The following RERG variants were observed in gnomAD, a reference collection of about 807,000 sequenced individuals.
The protein encoded by RERG is RAS like estrogen regulated growth inhibitor.
Under a neutral mutation model 23.2 loss-of-function variants are expected in RERG, and 25 were observed. The observed-to-expected ratio is 1.08, with a 90% CI of 0.79 to 1.50. The LOEUF is 1.50. Ranked by LOEUF, RERG falls within the 40% of genes most tolerant of loss-of-function variation. The pLI is 0.00. For synonymous variants in RERG, 81 were observed against 89.1 expected (o/e 0.91, Z 0.51); for missense variants, 253 against 250.1 (o/e 1.01, Z -0.08).
intron 2 of RERG, among the ~76,000 whole-genome samples, chr12:15,190,961 T>C (rs1159033633): frequency 6.6e-6 from 1 of 152,280 alleles, no homozygotes; most frequent in East Asian, 1.9e-4. Context: ...TTCCTCAAAG[T>C]TGTGAGATTA....
At chr12:15,120,966 T>C in intron 3 of RERG, 97 bp downstream of exon 3, 2 of 902,530 alleles carry the variant, frequency 2.2e-6, no homozygotes, top group Admixed American at 2.0e-5. Flanking sequence ...CCACATCAGC[T>C]AAAAGGAGCT....
intron 2 of RERG, among the ~76,000 whole-genome samples, chr12:15,183,913 A>C (rs2136130542): frequency 6.6e-6 from 1 of 152,322 alleles, no homozygotes; most frequent in African/African-American, 2.4e-5. Context: ...GAGTAGAATG[A>C]GGAGCCTATA....
chr12:15,130,100 CA>C (rs2136094798), intron 2 of RERG, among the ~76,000 whole-genome samples: 1 of 152,302 alleles, frequency 6.6e-6, no homozygotes, highest in South Asian at 2.1e-4. Flanking sequence ...TCCATCCATT[CA>C]TCCATCCTTT....
chr12:15,192,514 A>G (rs1295715905), intron 2 of RERG, among the ~76,000 whole-genome samples: 1 of 152,202 alleles, frequency 6.6e-6, no homozygotes, highest in African/African-American at 2.4e-5. Context: ...TAGACATATA[A>G]AAGTTATGAA....
At chr12:15,168,404 C>T (rs1456262139) in intron 2 of RERG, among the ~76,000 whole-genome samples, 4 of 152,166 alleles carry the variant, frequency 2.6e-5, no homozygotes, top group African/African-American at 9.7e-5. Context: ...CCCTTTGACT[C>T]CCCAGAGGTT....
At chr12:15,203,334 T>G (rs1052755579) in intron 2 of RERG, among the ~76,000 whole-genome samples, 1 of 151,672 alleles carries the variant, frequency 6.6e-6, no homozygotes, top group Non-Finnish European at 1.5e-5. Context: ...GTAGTCCCAC[T>G]TGTCTATTTT....
chr12:15,145,172 A>C (rs1016734263), intron 2 of RERG, among the ~76,000 whole-genome samples: 2 of 152,194 alleles, frequency 1.3e-5, no homozygotes, highest in Non-Finnish European at 2.9e-5. Flanking sequence ...CAGTTCCCAA[A>C]CAACCCCATT....
intron 2 of RERG, among the ~76,000 whole-genome samples, chr12:15,167,431 G>C (rs1018294797): frequency 2.0e-5 from 3 of 152,192 alleles, no homozygotes; most frequent in Non-Finnish European, 2.9e-5. Context: ...TTAACACCCA[G>C]ATTGCTGGAC....
At chr12:15,215,433 T>C (rs1163911132) in intron 2 of RERG, among the ~76,000 whole-genome samples, 2 of 152,114 alleles carry the variant, frequency 1.3e-5, no homozygotes, top group Non-Finnish European at 2.9e-5. Flanking sequence ...AAGAGTGTGA[T>C]GTCATGGGAG....
At chr12:15,112,813 G>T (rs1312115930) in intron 3 of RERG, among the ~76,000 whole-genome samples, 3 of 152,102 alleles carry the variant, frequency 2.0e-5, no homozygotes, top group Admixed American at 2.0e-4. Context: ...ATAGAGGAGT[G>T]GAAATTATTG....
chr12:15,191,568 T>G (rs1325099396), intron 2 of RERG, among the ~76,000 whole-genome samples: 1 of 152,188 alleles, frequency 6.6e-6, no homozygotes, highest in African/African-American at 2.4e-5. Context: ...TGCACTCTAC[T>G]TAACTTTCCA....
intron 2 of RERG, among the ~76,000 whole-genome samples, chr12:15,204,528 A>C (rs1388655850): frequency 6.6e-6 from 1 of 151,812 alleles, no homozygotes; most frequent in Non-Finnish European, 1.5e-5. Flanking sequence ...TTCTAATTCC[A>C]ACATTAATAA....
At chr12:15,213,616 T>C (rs1865398452) in intron 2 of RERG, among the ~76,000 whole-genome samples, 1 of 152,214 alleles carries the variant, frequency 6.6e-6, no homozygotes, top group African/African-American at 2.4e-5. Flanking sequence ...TAAACACTTA[T>C]ATATTACACA....
intron 2 of RERG, chr12:15,137,874 ACAATC>A (rs1864170555): frequency 2.2e-6 from 1 of 449,408 alleles, no homozygotes; most frequent in Non-Finnish European, 4.5e-6. Context: ...TTCTTTAAGT[ACAATC>A]CAGTTTCTGA....
At chr12:15,111,655 T>C (rs2136082554) in intron 3 of RERG, among the ~76,000 whole-genome samples, 1 of 151,522 alleles carries the variant, frequency 6.6e-6, no homozygotes, top group East Asian at 1.9e-4. Flanking sequence ...ATAGGGGGAA[T>C]CTCTTTGCAT....
At chr12:15,169,161 G>A (rs955103065) in intron 2 of RERG, among the ~76,000 whole-genome samples, 3 of 152,232 alleles carry the variant, frequency 2.0e-5, no homozygotes, top group Admixed American at 2.0e-4. Context: ...AGTTTAAATA[G>A]TAAGTTCTAT....
rs143119903 is a variant in RERG at position 15,133,005 on chromosome 12, C to T, written c.62-11886G>A. ...CCCGCCCTGCCCCCCAACACACAGC[C>T]TCCCCCATTATTCATATCCCACACT... is the stretch of plus-strand genomic sequence containing the variant. On this transcript the variant is annotated intron_variant, in intron 2 of 4. Coordinates refer to ENST00000256953, the MANE Select transcript of RERG (RefSeq NM_032918.3). Among the ~76,000 whole-genome samples the T allele has an allele frequency of 5.5e-3, 792 of 144,580 alleles. 10 individuals are homozygous for T. Among genetic ancestry groups the T allele is most frequent in the African/African-American group, 0.019 (745 of 38,804 alleles). 94.9% of individuals were successfully genotyped at this position (144,580 alleles called of 152,430 possible). A position where few individuals can be genotyped will look rare whatever the true frequency, so the allele number is the denominator to read the frequency against.
intron 2 of RERG, among the ~76,000 whole-genome samples, chr12:15,216,634 C>T (rs542950808): frequency 3.5e-4 from 53 of 152,328 alleles, no homozygotes; most frequent in African/African-American, 1.2e-3. Context: ...ATGGTTCCTT[C>T]CTCCAGTAAG....
At chr12:15,164,947 T>C (rs1047148684) in intron 2 of RERG, among the ~76,000 whole-genome samples, 4 of 152,222 alleles carry the variant, frequency 2.6e-5, no homozygotes, top group East Asian at 1.9e-4. Flanking sequence ...GAAATTTTAA[T>C]GTAAGAGCAA....
Sources: gnomAD v4.1 joint callset for allele counts (sites outside exome capture counted in the v4.1 genomes callset) on GRCh38, gnomAD v4.1.1 for gene constraint, MANE v1.5 for transcripts, NCBI Gene and HGNC (gene_info 2026-07-23, HGNC 2026-07-21) for gene names.